Variants in MIR2052HG observed in about 807,000 individuals in gnomAD.
The protein encoded by MIR2052HG is MIR2052 host gene.
chr8:74,744,064 TACAATG>T (rs1268896420), intron 4 of MIR2052HG, among the ~76,000 whole-genome samples: 1 of 152,186 alleles, frequency 6.6e-6, no homozygotes, highest in Non-Finnish European at 1.5e-5. Context: ...TGTGTTAATC[TACAATG>T]ACTGTTTGCA....
chr8:74,682,834 A>G (rs567760695), intron 2 of MIR2052HG, among the ~76,000 whole-genome samples: 1 of 152,316 alleles, frequency 6.6e-6, no homozygotes, highest in South Asian at 2.1e-4. Flanking sequence ...AAGGATTGTT[A>G]CAGAAAAAAA....
At chr8:74,608,161 C>T (rs1808139053) in intron 1 of MIR2052HG, among the ~76,000 whole-genome samples, 1 of 152,096 alleles carries the variant, frequency 6.6e-6, no homozygotes, top group African/African-American at 2.4e-5. Context: ...CAACTGTTAA[C>T]TCTTGGATCA....
chr8:74,628,559 C>T (rs535871020), intron 2 of MIR2052HG, among the ~76,000 whole-genome samples: 6 of 152,172 alleles, frequency 3.9e-5, no homozygotes, highest in South Asian at 2.1e-4. Flanking sequence ...ATTGGCAAAC[C>T]GGAAAATTGG....
rs200680923 is a variant in MIR2052HG at position 74,678,387 on chromosome 8, C to T, written n.217-23992C>T. On this transcript the variant is annotated intron_variant and non_coding_transcript_variant, in intron 2 of 6. Transcript: ENST00000523442. ...CAGCCTAGCCAACATGGTGAAACCC[C>T]GTCTCTACTAAAAATAAATACAAAA... Among the ~76,000 whole-genome samples, 116 of 151,892 alleles carry T rather than the reference C, an allele frequency of 7.6e-4. 1 individual carries two copies. Among genetic ancestry groups the T allele is most frequent in the Non-Finnish European group, 2.8e-4 (19 of 67,928 alleles).
At chr8:74,641,419 C>T (rs1234412910) in intron 2 of MIR2052HG, among the ~76,000 whole-genome samples, 1 of 152,106 alleles carries the variant, frequency 6.6e-6, no homozygotes, top group Non-Finnish European at 1.5e-5. Flanking sequence ...TTATTTTGAA[C>T]TGAAATGTCC....
At chr8:74,682,562 G>C (rs2651669) in intron 2 of MIR2052HG, among the ~76,000 whole-genome samples, 100,360 of 151,904 alleles carry the variant, frequency 0.66, 34,916 homozygotes, top group African/African-American at 0.89. Context: ...AAAAGATGCT[G>C]GATCTTATTA....
chr8:74,603,272 A>T, intron 1 of MIR2052HG: 1 of 1,527,982 alleles, frequency 6.5e-7, no homozygotes, highest in Non-Finnish European at 9.1e-7. Flanking sequence ...GGGATTGTGG[A>T]TAAATCTGCA....
intron 4 of MIR2052HG, among the ~76,000 whole-genome samples, chr8:74,728,868 A>AT (rs1458345524): frequency 2.6e-5 from 4 of 152,080 alleles, no homozygotes; most frequent in African/African-American, 9.7e-5. Flanking sequence ...AGTTTTCCTT[A>AT]TTGCATGGCT....
In MIR2052HG at chr8:74,693,275, C is replaced by T. The variant is rs140262521; in HGVS notation, n.217-9104C>T. On this transcript the variant is annotated intron_variant and non_coding_transcript_variant, in intron 2 of 6. Coordinates refer to ENST00000523442, the Ensembl canonical transcript of MIR2052HG. ...AGCAGTGGGAAGAGCCCTGTGGGCA[C>T]TCTGGGTCCAAAGGGAAGCCATTTT... Among the ~76,000 whole-genome samples the T allele has an allele frequency of 4.3e-3, 651 of 152,328 alleles. 9 individuals carry two copies. Among genetic ancestry groups the T allele is most frequent in the African/African-American group, 0.015 (603 of 41,578 alleles).
intron 2 of MIR2052HG, among the ~76,000 whole-genome samples, chr8:74,657,387 C>T (rs1808817560): frequency 6.6e-6 from 1 of 152,158 alleles, no homozygotes; most frequent in Non-Finnish European, 1.5e-5. Flanking sequence ...CTCCTCATTC[C>T]TCACACAGTA....
chr8:74,750,862 A>G (rs1015533526), intron 4 of MIR2052HG, among the ~76,000 whole-genome samples: 2 of 152,214 alleles, frequency 1.3e-5, no homozygotes, highest in Non-Finnish European at 2.9e-5. Flanking sequence ...AGTATCAAAG[A>G]TTTCATGAAA....
chr8:74,602,516 C>CTTTTTT (rs746190655), intron 1 of MIR2052HG, among the ~76,000 whole-genome samples: 1 of 147,022 alleles, frequency 6.8e-6, no homozygotes. Context: ...TCTTTTCTTT[C>CTTTTTT]TTTCTTTTTT....
rs147665203 is a variant in MIR2052HG, at chr8:74,740,558, C to T, written n.372-11883C>T. 1.2e-3 allele frequency among the ~76,000 whole-genome samples: 188 copies of T among 152,190 alleles called. 1 individual carries two copies. Among genetic ancestry groups the T allele is most frequent in the African/African-American group, 4.4e-3 (182 of 41,524 alleles). ...ATATATGGATCCTGCCCTTGAGTAG[C>T]TTATAGTTCATTATGAAAAACAGAC... On this transcript the variant is annotated intron_variant and non_coding_transcript_variant, in intron 4 of 6. Coordinates refer to ENST00000523442, the Ensembl canonical transcript of MIR2052HG.
intron 2 of MIR2052HG, among the ~76,000 whole-genome samples, chr8:74,698,092 C>T (rs1809318053): frequency 6.6e-6 from 1 of 152,142 alleles, no homozygotes; most frequent in Non-Finnish European, 1.5e-5. Flanking sequence ...CATCACATTA[C>T]CTGACTTCAA....
chr8:74,695,189 A>G (rs1159578204), intron 2 of MIR2052HG, among the ~76,000 whole-genome samples: 2 of 152,212 alleles, frequency 1.3e-5, no homozygotes, highest in African/African-American at 4.8e-5. Context: ...AACAGCCATG[A>G]ATTTTGTATC....
intron 4 of MIR2052HG, among the ~76,000 whole-genome samples, chr8:74,715,580 T>C (rs1047585781): frequency 3.3e-5 from 5 of 152,138 alleles, no homozygotes; most frequent in Non-Finnish European, 4.4e-5. Flanking sequence ...ATCTTGGTCA[T>C]TGGGTTTCTC....
At chr8:74,634,237 G>A (rs571282945) in intron 2 of MIR2052HG, among the ~76,000 whole-genome samples, 1 of 152,300 alleles carries the variant, frequency 6.6e-6, no homozygotes, top group African/African-American at 2.4e-5. Context: ...GTTTAGGTTG[G>A]AGAAAGGGAT....
chr8:74,632,214 C>A (rs1001516793), intron 2 of MIR2052HG, among the ~76,000 whole-genome samples: 11 of 152,056 alleles, frequency 7.2e-5, no homozygotes, highest in African/African-American at 2.4e-4. Flanking sequence ...CTGTGGCTGT[C>A]GGAGGACGTA....
intron 4 of MIR2052HG, among the ~76,000 whole-genome samples, chr8:74,718,741 T>G (rs1220118618): frequency 1.3e-5 from 2 of 152,158 alleles, no homozygotes; most frequent in East Asian, 3.9e-4. Context: ...TCTTCTGGGT[T>G]GCGACTGTCA....
Sources: gnomAD v4.1 joint callset for allele counts (sites outside exome capture counted in the v4.1 genomes callset) on GRCh38, gnomAD v4.1.1 for gene constraint, MANE v1.5 for transcripts, NCBI Gene and HGNC (gene_info 2026-07-23, HGNC 2026-07-21) for gene names.